TUT7: variants seen among roughly 807,000 people sequenced by gnomAD.
The protein encoded by TUT7 is terminal uridylyltransferase 7.
In TUT7, 33 loss-of-function variants were observed where a neutral mutation model predicts 165.9. That is an observed-to-expected ratio of 0.20 (90% CI 0.15 to 0.27). The LOEUF is 0.27. Among genes scored for constraint, TUT7 ranks in the 10% least tolerant of loss-of-function variants. The pLI, the probability that TUT7 is intolerant of heterozygous loss-of-function variation, is 1.00. For synonymous variants in TUT7, 552 were observed against 608.1 expected (o/e 0.91, Z 1.36); for missense variants, 1,338 against 1,762.3 (o/e 0.76, Z 4.31).
At chr9:86,332,505 T>C (rs1830413575) in intron 10 of TUT7, among the ~76,000 whole-genome samples, 1 of 152,168 alleles carries the variant, frequency 6.6e-6, no homozygotes, top group South Asian at 2.1e-4. Context: ...TGAGAACTCA[T>C]GGACACAAAG....
intron 26 of TUT7, among the ~76,000 whole-genome samples, chr9:86,293,770 C>T (rs2131262059): frequency 6.6e-6 from 1 of 152,282 alleles, no homozygotes; most frequent in Admixed American, 6.5e-5. Flanking sequence ...AACCTGGGCC[C>T]ATGTGTTCCT....
At chr9:86,309,143 C>T in intron 21 of TUT7, 69 bp downstream of exon 21, 2 of 924,574 alleles carry the variant, frequency 2.2e-6, no homozygotes, top group Non-Finnish European at 3.4e-6. Context: ...AGTTGTTGAA[C>T]ATCTACACTG....
chr9:86,325,707 A>G (rs1829727316), intron 11 of TUT7, among the ~76,000 whole-genome samples, 193 bp from the exon 12 acceptor site: 1 of 152,240 alleles, frequency 6.6e-6, no homozygotes, highest in Non-Finnish European at 1.5e-5. Flanking sequence ...TCACTGCACT[A>G]TTAGGATTAG....
At chr9:86,350,174 T>C (rs1564103574) in intron 2 of TUT7, among the ~76,000 whole-genome samples, 1 of 151,892 alleles carries the variant, frequency 6.6e-6, no homozygotes, top group Non-Finnish European at 1.5e-5. Flanking sequence ...CTACTAAAAA[T>C]ACAAAAATTA....
intron 12 of TUT7, among the ~76,000 whole-genome samples, chr9:86,325,118 C>T (rs1406980274): frequency 6.6e-6 from 1 of 152,204 alleles, no homozygotes; most frequent in Non-Finnish European, 1.5e-5. Flanking sequence ...AGCCATTATT[C>T]AAGTTGTTTA....
chr9:86,352,440 C>A lies in TUT7; in HGVS notation c.520+240G>T, dbSNP rs148117448. On this transcript the variant is annotated intron_variant, in intron 2 of 26. Coordinates refer to ENST00000375963, the MANE Select transcript of TUT7 (RefSeq NM_024617.4). ...ACGTTACAGAAAACATGTTTACTGACGTAAAGTGAGCCCTGGGGCAAAGTA... is the reference window on the plus strand; with the variant it reads ...ACGTTACAGAAAACATGTTTACTGAAGTAAAGTGAGCCCTGGGGCAAAGTA... 2.8e-3 allele frequency: 1,641 copies of A among 585,450 alleles called. 27 individuals are homozygous for A. In the African/African-American group the frequency reaches 0.028, roughly 10 times the overall value. The allele number at this position is 585,450 out of a possible 1,614,324, so 36.3% of individuals were successfully genotyped here. A position where few individuals can be genotyped will look rare whatever the true frequency, so the allele number is the denominator to read the frequency against.
intron 26 of TUT7, among the ~76,000 whole-genome samples, chr9:86,292,911 A>G (rs1007891799): frequency 9.2e-5 from 14 of 152,230 alleles, no homozygotes; most frequent in African/African-American, 3.1e-4. Flanking sequence ...TAGTTTTACT[A>G]CTGTAGCATT....
intron 10 of TUT7, among the ~76,000 whole-genome samples, chr9:86,330,962 C>T (rs1830261445): frequency 6.6e-6 from 1 of 151,754 alleles, no homozygotes. Flanking sequence ...GCAGCCTCGA[C>T]CTCAACCTCC....
In TUT7 at chr9:86,339,974, T is replaced by C. The variant is rs752547314; in HGVS notation, c.1208+62A>G. On this transcript the variant is annotated intron_variant, in intron 8 of 26. Coordinates refer to ENST00000375963, the MANE Select transcript of TUT7 (RefSeq NM_024617.4). ...CTAGAAATTGGACATTAAGATGTAGTAAAGTACTTGTGCTTTTGGCAAGTT... is the reference window on the plus strand; with the variant it reads ...CTAGAAATTGGACATTAAGATGTAGCAAAGTACTTGTGCTTTTGGCAAGTT... The C allele has an allele frequency of 6.4e-5, 81 of 1,271,096 alleles. No individual in the cohort carries two copies. In the South Asian group the frequency reaches 9.5e-4, roughly 15 times the overall value. 78.7% of individuals were successfully genotyped at this position (1,271,096 alleles called of 1,614,324 possible).
intron 9 of TUT7, 108 bp downstream of exon 9, chr9:86,338,715 A>G (rs1477639228): frequency 1.8e-5 from 22 of 1,225,600 alleles, no homozygotes; most frequent in African/African-American, 3.1e-5. Flanking sequence ...TTCTCTTTTG[A>G]TGTCTATAAA....
At chr9:86,351,418 A>C (rs1285602931) in intron 2 of TUT7, among the ~76,000 whole-genome samples, 1 of 152,234 alleles carries the variant, frequency 6.6e-6, no homozygotes, top group East Asian at 1.9e-4. Context: ...CCTGGGTGAC[A>C]GAGCGAGACT....
intron 25 of TUT7, among the ~76,000 whole-genome samples, chr9:86,302,674 T>C (rs1827054396): frequency 6.8e-6 from 1 of 147,346 alleles, no homozygotes; most frequent in African/African-American, 2.5e-5. Flanking sequence ...TGGAGTGCAA[T>C]GGCGTGATTT....
chr9:86,309,472 G>T lies in TUT7; in HGVS notation c.3573C>A (p.Val1191=). 2 of 1,609,188 alleles carry T rather than the reference G, an allele frequency of 1.2e-6. No homozygotes were observed. ...LQQRNPPVIP[V]LQEIYKGEKK... The stretch of plus-strand genomic sequence containing the variant: ...TTTCATTCACTAATACCTCTTGAAG[G>T]ACAGGAATGACTGGTGGATTCCTCT... Residue 1191 remains valine, a synonymous_variant, in exon 20 of 27, where the codon GTC becomes GTA. Coordinates refer to ENST00000375963, the MANE Select transcript of TUT7 (RefSeq NM_024617.4).
chr9:86,347,026 T>A (rs936114443), intron 2 of TUT7, among the ~76,000 whole-genome samples: 1 of 152,144 alleles, frequency 6.6e-6, no homozygotes. Context: ...AAAATCATCA[T>A]TTAGTTGCAA....
chr9:86,308,708 A>G (rs1411044630), intron 21 of TUT7, 102 bp from the exon 22 acceptor site: 1 of 971,886 alleles, frequency 1.0e-6, no homozygotes, highest in African/African-American at 1.7e-5. Flanking sequence ...ATTTCTAATT[A>G]ACTAGAGCTC....
At chr9:86,349,892 C>G (rs144371519) in intron 2 of TUT7, among the ~76,000 whole-genome samples, 1 of 152,118 alleles carries the variant, frequency 6.6e-6, no homozygotes, top group African/African-American at 2.4e-5. Context: ...AATGCATTTC[C>G]TATTCAAATA....
chr9:86,337,435 A>G lies in TUT7; in HGVS notation c.1439T>C (p.Val480Ala), dbSNP rs1158323522. ...LQQRKEPLLP[V>A]YLGSWIEGFS... is the part of the protein sequence containing the mutation. The stretch of plus-strand genomic sequence containing the variant: ...GTTTTATACCCATGATCCTAGATAT[A>G]CAGGCAAAAGGGGTTCTTTCCTCTG... The change falls in exon 10 of 27, where the codon GTA (valine) becomes GCA (alanine). Residue 480 changes from valine (V) to alanine (A), a missense_variant. By Grantham distance (64) the Val-to-Ala change is moderately conservative. Around this residue, in one of 7 missense-constraint regions of TUT7, gnomAD observed 74 missense variants for 128.5 expected, o/e 0.58. Coordinates refer to ENST00000375963, the MANE Select transcript of TUT7 (RefSeq NM_024617.4). 2 of 1,613,502 alleles carry G rather than the reference A, an allele frequency of 1.2e-6. No homozygotes were observed. Among genetic ancestry groups the G allele is most frequent in the African/African-American group, 1.3e-5 (1 of 74,900 alleles).
intron 2 of TUT7, among the ~76,000 whole-genome samples, chr9:86,347,496 T>C (rs1234972046): frequency 6.6e-6 from 1 of 152,164 alleles, no homozygotes; most frequent in Non-Finnish European, 1.5e-5. Flanking sequence ...GAGGAACTCA[T>C]TACTACTAGT....
intron 17 of TUT7, among the ~76,000 whole-genome samples, chr9:86,313,183 G>A (rs7864186): frequency 0.31 from 47,477 of 151,548 alleles, 8,866 homozygotes; most frequent in African/African-American, 0.5. Context: ...ATTATCCTTA[G>A]AATCAAAGAG....
Sources: allele counts gnomAD v4.1 joint callset (sites outside exome capture counted in the v4.1 genomes callset), GRCh38; gene constraint gnomAD v4.1.1; regional missense constraint gnomAD v4.1.1; transcripts MANE v1.5; gene names NCBI Gene and HGNC (gene_info 2026-07-23, HGNC 2026-07-21).